Variants in SNTG2 observed in about 807,000 individuals in gnomAD.
The protein encoded by SNTG2 is gamma-2-syntrophin.
SNTG2 carries 74 observed loss-of-function variants against 70.9 expected under a neutral mutation model. That is an observed-to-expected ratio of 1.04 (90% CI 0.86 to 1.27). The LOEUF (loss-of-function observed/expected upper bound fraction) is 1.27. Among genes scored for constraint, SNTG2 ranks in the 50% most tolerant of loss-of-function variants. SNTG2 has a pLI of 0.00. For synonymous variants in SNTG2, 278 were observed against 273.8 expected, an observed-to-expected ratio of 1.02 and a Z score of -0.15; for missense variants, 717 against 690.7, an observed-to-expected ratio of 1.04 and a Z score of -0.43.
chr2:1,089,312 A>C (rs1381328926), intron 2 of SNTG2, among the ~76,000 whole-genome samples: 2 of 152,318 alleles, frequency 1.3e-5, no homozygotes, highest in East Asian at 3.9e-4. Flanking sequence ...AGAATATGAA[A>C]ACCTTAAAAT....
At chr2:1,262,722 G>C (rs148290687) in intron 13 of SNTG2, 59 of 94,634 alleles carry the variant, frequency 6.2e-4, no homozygotes, top group South Asian at 1.6e-3. Flanking sequence ...GGAAGGCTCC[G>C]TCCAGACGAG....
chr2:1,021,936 CTT>C (rs71392556), intron 1 of SNTG2, among the ~76,000 whole-genome samples: 28,503 of 120,990 alleles, frequency 0.24, 3,600 homozygotes, highest in Middle Eastern at 0.35. Flanking sequence ...GTTTTATGTG[CTT>C]TTTTTTTTTT....
intron 16 of SNTG2, among the ~76,000 whole-genome samples, chr2:1,328,429 C>G (rs183873670): frequency 2.6e-5 from 4 of 152,188 alleles, no homozygotes; most frequent in African/African-American, 9.7e-5. Flanking sequence ...ACCCACAACT[C>G]TGGGGCTCCG....
At chr2:1,305,904 C>T (rs1680649216) in intron 14 of SNTG2, among the ~76,000 whole-genome samples, 1 of 152,228 alleles carries the variant, frequency 6.6e-6, no homozygotes, top group South Asian at 2.1e-4. Context: ...TGCCATTCAG[C>T]AGTAGCCACT....
At chr2:1,229,375 A>G (rs1485732557) in intron 9 of SNTG2, among the ~76,000 whole-genome samples, 1 of 152,312 alleles carries the variant, frequency 6.6e-6, no homozygotes, top group East Asian at 1.9e-4. Context: ...CAGAGTGTCC[A>G]TTGGTGCATT....
chr2:1,228,025 C>A (rs1013022954), intron 9 of SNTG2, among the ~76,000 whole-genome samples: 14 of 152,140 alleles, frequency 9.2e-5, no homozygotes, highest in Admixed American at 2.0e-4. Flanking sequence ...AGTGTCCAGG[C>A]CTTTCTGCGA....
At chr2:1,073,536 A>G (rs1663714706) in intron 1 of SNTG2, among the ~76,000 whole-genome samples, 1 of 152,230 alleles carries the variant, frequency 6.6e-6, no homozygotes. Flanking sequence ...TAACTTTTAT[A>G]TGCACTGGGA....
intron 12 of SNTG2, among the ~76,000 whole-genome samples, chr2:1,255,879 TATATAA>T (rs1248531023): frequency 3.4e-5 from 3 of 87,890 alleles, no homozygotes; most frequent in East Asian, 6.6e-4. Context: ...TATAAATATA[TATATAA>T]ATATATATAA....
intron 8 of SNTG2, among the ~76,000 whole-genome samples, chr2:1,189,421 G>C (rs565205683): frequency 6.6e-6 from 1 of 152,260 alleles, no homozygotes; most frequent in South Asian, 2.1e-4. Context: ...CATAGTCAAG[G>C]TATTATTGAA....
intron 16 of SNTG2, among the ~76,000 whole-genome samples, chr2:1,324,335 CCA>C (rs1277267696): frequency 6.6e-6 from 1 of 152,100 alleles, no homozygotes; most frequent in Non-Finnish European, 1.5e-5. Flanking sequence ...CTTTGGAATG[CCA>C]CAGTTTAAGT....
rs1303705370 is a variant in SNTG2, at chr2:1,084,249, A to AG, written c.210+599dup. The stretch of plus-strand genomic sequence containing the variant: ...GTCCTTTACCTTGGAAATAAAATGA[A>AG]GGGGGCATTTCCCCCCTTACTCGCA... On this transcript the variant is annotated intron_variant, in intron 2 of 16. Transcript: ENST00000308624. Among the ~76,000 whole-genome samples the AG allele has an allele frequency of 2.0e-5, 3 of 152,084 alleles. No individual in the cohort carries two copies. The East Asian group carries it at 5.8e-4, about 29-fold the overall frequency.
intron 8 of SNTG2, among the ~76,000 whole-genome samples, chr2:1,203,180 T>G (rs1457608869): frequency 6.6e-6 from 1 of 152,176 alleles, no homozygotes; most frequent in Non-Finnish European, 1.5e-5. Flanking sequence ...GATCTACTAC[T>G]TAGGACTAAA....
chr2:1,190,496 T>A (rs1241935083), intron 8 of SNTG2, among the ~76,000 whole-genome samples: 2 of 2,752 alleles, frequency 7.3e-4, no homozygotes, highest in African/African-American at 2.0e-3. Flanking sequence ...GAGGGCTGAC[T>A]ATATATATAT....
intron 16 of SNTG2, among the ~76,000 whole-genome samples, chr2:1,349,635 A>C (rs893231147): frequency 2.0e-5 from 3 of 152,222 alleles, no homozygotes; most frequent in Non-Finnish European, 4.4e-5. Context: ...GGTTAGAAGC[A>C]AGGTGGGGTC....
rs1672887772 is a variant in SNTG2 at position 1,196,013 on chromosome 2, T to C, written c.592-13090T>C. Among the ~76,000 whole-genome samples, 3 of 152,308 alleles carry C rather than the reference T, an allele frequency of 2.0e-5. No individual in the cohort carries two copies. The South Asian group carries it at 6.2e-4, about 32-fold the overall frequency. On this transcript the variant is annotated intron_variant, in intron 8 of 16. Coordinates refer to ENST00000308624, the MANE Select transcript of SNTG2 (RefSeq NM_018968.4). ...AGTATATAATAGTTTGAGTTTGGAATCTTTTTTTTGTGTCATGCATAACTC... is the reference window on the plus strand; with the variant it reads ...AGTATATAATAGTTTGAGTTTGGAACCTTTTTTTTGTGTCATGCATAACTC...
intron 11 of SNTG2, among the ~76,000 whole-genome samples, chr2:1,243,890 G>C (rs1455306073): frequency 1.3e-5 from 2 of 152,234 alleles, no homozygotes; most frequent in Non-Finnish European, 2.9e-5. Context: ...GCCGGGCGTG[G>C]TGGCACGCGC....
At chr2:1,239,665 T>G (rs1234013149) in intron 10 of SNTG2, 73 bp from the exon 11 acceptor site, 3 of 1,537,926 alleles carry the variant, frequency 2.0e-6, no homozygotes, top group Non-Finnish European at 2.7e-6. Flanking sequence ...GCTGATGACT[T>G]CCAGCTGTCA....
chr2:1,300,758 T>C (rs1680426557), intron 14 of SNTG2, among the ~76,000 whole-genome samples: 1 of 152,228 alleles, frequency 6.6e-6, no homozygotes, highest in South Asian at 2.1e-4. Context: ...GTTTAGAGCG[T>C]GAATTTTTAA....
At chr2:1,101,687 T>G (rs1485113873) in intron 4 of SNTG2, among the ~76,000 whole-genome samples, 1 of 152,180 alleles carries the variant, frequency 6.6e-6, no homozygotes, top group Non-Finnish European at 1.5e-5. Context: ...CGCTGCCAGA[T>G]AGGGCGGGAT....
Sources: allele counts gnomAD v4.1 joint callset (sites outside exome capture counted in the v4.1 genomes callset), GRCh38; gene constraint gnomAD v4.1.1; transcripts MANE v1.5; gene names NCBI Gene and HGNC (gene_info 2026-07-23, HGNC 2026-07-21).